CADM2: variants seen among roughly 807,000 people sequenced by gnomAD.
The protein encoded by CADM2 is immunoglobulin superfamily member 4D.
A neutral mutation model predicts 49.8 loss-of-function variants in CADM2; 12 were observed. The ratio of observed to expected loss-of-function variants is 0.24; its 90% CI spans 0.15 to 0.39. The LOEUF is 0.39. Ranked by LOEUF, CADM2 falls within the 10% of genes least tolerant of loss-of-function variation. The probability of loss-of-function intolerance (pLI) is 1.00; values close to 1 mark genes in which losing one functional copy is unlikely to be tolerated. For missense variants in CADM2, 378 were observed against 492.3 expected (o/e 0.77, Z 2.20); for synonymous variants, 214 against 175.4 (o/e 1.22, Z -1.74).
rs113757033 is a variant in CADM2, at chr3:85,354,469, A to G, written c.62-372053A>G. On this transcript the variant is annotated intron_variant, in intron 1 of 9. Transcript: ENST00000383699. Reference sequence around the variant, plus strand: ...GTATACATATGTAACAAACCTGCACATTGTGCACATGTACCCTAAAACTTA... The same window carrying G: ...GTATACATATGTAACAAACCTGCACGTTGTGCACATGTACCCTAAAACTTA... Among the ~76,000 whole-genome samples the G allele has an allele frequency of 4.1e-3, 624 of 151,796 alleles. 4 individuals carry two copies. The highest frequency in any genetic ancestry group is 0.01 in the African/African-American group (422 of 41,446).
chr3:85,142,187 C>T (rs191622210), intron 1 of CADM2, among the ~76,000 whole-genome samples: 1 of 152,264 alleles, frequency 6.6e-6, no homozygotes, highest in East Asian at 1.9e-4. Flanking sequence ...CTATTTTTGT[C>T]AGAAGAAGAA....
chr3:85,784,530 T>TTACC (rs2070854741), intron 2 of CADM2, among the ~76,000 whole-genome samples: 2 of 142,202 alleles, frequency 1.4e-5, no homozygotes, highest in Non-Finnish European at 3.1e-5. Context: ...CTAAATATAT[T>TTACC]TATCTATCTA....
chr3:85,528,835 C>T (rs1419850459), intron 1 of CADM2, among the ~76,000 whole-genome samples: 1 of 152,126 alleles, frequency 6.6e-6, no homozygotes, highest in Non-Finnish European at 1.5e-5. Context: ...AAAATCTTCT[C>T]TCAGAAAAAA....
intron 1 of CADM2, among the ~76,000 whole-genome samples, chr3:85,339,859 T>C (rs1464527885): frequency 3.3e-5 from 5 of 151,458 alleles, no homozygotes; most frequent in African/African-American, 9.7e-5. Flanking sequence ...ATTTGTGCAA[T>C]AGACAAAACA....
rs1553730579 is a variant in CADM2, at chr3:86,055,476, T to TTG, written c.971-10128_971-10127insGT. On this transcript the variant is annotated intron_variant, in intron 8 of 9. Coordinates refer to ENST00000383699, the MANE Select transcript of CADM2 (RefSeq NM_001167675.2). ...CTTTTTTTTTTTTTTTTTTTTTTTT[T>TTG]TTTGGTTTTAGAGGGATTCTTGCTC... is the stretch of plus-strand genomic sequence containing the variant. Among the ~76,000 whole-genome samples, 127 of 131,100 alleles carry TTG rather than the reference T, an allele frequency of 9.7e-4. 3 individuals carry two copies. The highest frequency in any genetic ancestry group is 7.9e-3 in the Middle Eastern group (2 of 252). 86.0% of individuals were successfully genotyped at this position (131,100 alleles called of 152,430 possible).
At chr3:86,033,212 C>T (rs960525011) in intron 8 of CADM2, among the ~76,000 whole-genome samples, 14 of 151,916 alleles carry the variant, frequency 9.2e-5, no homozygotes, top group Admixed American at 2.0e-4. Context: ...ATCACAGTCA[C>T]CAAAGACATC....
At chr3:85,765,161 G>A (rs1239097347) in intron 2 of CADM2, among the ~76,000 whole-genome samples, 6 of 152,048 alleles carry the variant, frequency 3.9e-5, no homozygotes, top group Non-Finnish European at 7.4e-5. Flanking sequence ...ACGCTTCAGT[G>A]AATATGAAAT....
At chr3:85,435,929 G>A (rs1272414391) in intron 1 of CADM2, among the ~76,000 whole-genome samples, 1 of 149,208 alleles carries the variant, frequency 6.7e-6, no homozygotes, top group African/African-American at 2.5e-5. Context: ...TTAGCCCTTT[G>A]TCAGATGGAT....
chr3:85,205,001 TA>T (rs2041596838), intron 1 of CADM2, among the ~76,000 whole-genome samples: 1 of 151,616 alleles, frequency 6.6e-6, no homozygotes, highest in South Asian at 2.1e-4. Context: ...ATATACTTTT[TA>T]AAACTACTTT....
intron 8 of CADM2, among the ~76,000 whole-genome samples, chr3:86,004,582 C>T (rs141395675): frequency 1.3e-5 from 2 of 152,108 alleles, no homozygotes; most frequent in Non-Finnish European, 1.5e-5. Context: ...ATTTCCCGGG[C>T]TTTTAGTCTT....
At chr3:85,306,236 G>A (rs1435224020) in intron 1 of CADM2, among the ~76,000 whole-genome samples, 2 of 151,518 alleles carry the variant, frequency 1.3e-5, no homozygotes, top group African/African-American at 4.8e-5. Context: ...TCTATTTAGT[G>A]TTTTGCTTTG....
At chr3:85,820,596 C>T (rs1270716378) in intron 3 of CADM2, among the ~76,000 whole-genome samples, 1 of 152,058 alleles carries the variant, frequency 6.6e-6, no homozygotes, top group African/African-American at 2.4e-5. Context: ...AAATAACAAA[C>T]TTGAGATGGA....
chr3:85,727,318 C>G (rs1276704366), intron 2 of CADM2, among the ~76,000 whole-genome samples: 1 of 152,066 alleles, frequency 6.6e-6, no homozygotes, highest in Non-Finnish European at 1.5e-5. Flanking sequence ...AGTTTTAATA[C>G]TATGACATAC....
At chr3:85,867,959 AAGT>A (rs1464832792) in intron 3 of CADM2, among the ~76,000 whole-genome samples, 1 of 152,052 alleles carries the variant, frequency 6.6e-6, no homozygotes, top group African/African-American at 2.4e-5. Context: ...CAGTCTAAAC[AAGT>A]GAATCAGCTC....
chr3:85,885,774 C>T (rs1713543942), intron 4 of CADM2, among the ~76,000 whole-genome samples: 1 of 139,518 alleles, frequency 7.2e-6, no homozygotes, highest in Non-Finnish European at 1.5e-5. Context: ...ATCACTTGAA[C>T]TTGGGAGGCA....
chr3:85,373,850 C>T (rs1460821059), intron 1 of CADM2, among the ~76,000 whole-genome samples: 1 of 152,162 alleles, frequency 6.6e-6, no homozygotes. Flanking sequence ...ACACAGAGAA[C>T]CAAGTCCCCA....
intron 5 of CADM2, among the ~76,000 whole-genome samples, chr3:85,900,793 G>C (rs1406295323): frequency 6.6e-6 from 1 of 151,936 alleles, no homozygotes; most frequent in Non-Finnish European, 1.5e-5. Flanking sequence ...ATTTTCTTCA[G>C]GTTATTTCCA....
chr3:85,174,427 C>A (rs963429040), intron 1 of CADM2, among the ~76,000 whole-genome samples: 1 of 151,544 alleles, frequency 6.6e-6, no homozygotes, highest in East Asian at 1.9e-4. Flanking sequence ...CATTTCCTAC[C>A]GCATTAATGT....
At position 86,068,110 on chromosome 3, in the gene CADM2, T is replaced by C. The variant is rs186108557; in HGVS notation, c.*1327T>C. 1 of 152,452 alleles carries C rather than the reference T, an allele frequency of 6.6e-6. No individual in the cohort carries two copies. Among genetic ancestry groups the C allele is most frequent in the African/African-American group, 2.4e-5 (1 of 41,450 alleles). The allele number at this position is 152,452 out of a possible 1,614,324, so 9.4% of individuals were successfully genotyped here. On this transcript the variant is annotated 3_prime_UTR_variant, in exon 10 of 10. Coordinates refer to ENST00000383699, the MANE Select transcript of CADM2 (RefSeq NM_001167675.2). ...GTTTTCTGTATAAATGAACTAATTCTTTATATTAAATTCCTGTCTATGCAT... is the reference window on the plus strand; with the variant it reads ...GTTTTCTGTATAAATGAACTAATTCCTTATATTAAATTCCTGTCTATGCAT...
Sources: gnomAD v4.1 joint callset for allele counts (sites outside exome capture counted in the v4.1 genomes callset) on GRCh38, gnomAD v4.1.1 for gene constraint, MANE v1.5 for transcripts, NCBI Gene and HGNC (gene_info 2026-07-23, HGNC 2026-07-21) for gene names.